ERAP1: variants seen among roughly 807,000 people sequenced by gnomAD.
ERAP1 encodes adipocyte-derived leucine aminopeptidase.
A neutral mutation model predicts 103.7 loss-of-function variants in ERAP1; 86 were observed. The ratio of observed to expected loss-of-function variants is 0.83; its 90% CI spans 0.70 to 0.99. The LOEUF (loss-of-function observed/expected upper bound fraction) is 0.99. ERAP1 is among the 50% of genes least tolerant of loss of function. The pLI is 0.00. For synonymous variants in ERAP1, 398 were observed against 402.4 expected (o/e 0.99, Z 0.13); for missense variants, 1,009 against 1,128.4 (o/e 0.89, Z 1.52).
chr5:96,802,025 AT>A (rs1238323545), intron 2 of ERAP1, among the ~76,000 whole-genome samples: 7 of 152,096 alleles, frequency 4.6e-5, no homozygotes, highest in Non-Finnish European at 1.0e-4. Context: ...AAAAGAGATC[AT>A]TTATTTGGGG....
the ERAP1 span, among the ~76,000 whole-genome samples, chr5:96,825,117 C>T: frequency 6.6e-6 from 1 of 152,142 alleles, no homozygotes; most frequent in Non-Finnish European, 1.5e-5. Flanking sequence ...TTCCATGAGG[C>T]CAGGACTGTG....
chr5:96,820,212 C>G, the ERAP1 span, among the ~76,000 whole-genome samples: 1 of 152,078 alleles, frequency 6.6e-6, no homozygotes, highest in African/African-American at 2.4e-5. Flanking sequence ...AATATATACT[C>G]AAGTATATAT....
the ERAP1 span, among the ~76,000 whole-genome samples, chr5:96,856,365 T>TATATAGAGAGAGAGAGAG: frequency 8.3e-4 from 17 of 20,378 alleles, no homozygotes; most frequent in African/African-American, 1.7e-3. Context: ...TATATATATA[T>TATATAGAGAGAGAGAGAG]AGAGAGAGAG....
chr5:96,862,352 G>A, the ERAP1 span, among the ~76,000 whole-genome samples: 2 of 152,164 alleles, frequency 1.3e-5, no homozygotes, highest in Non-Finnish European at 2.9e-5. Context: ...TGCTACCCAA[G>A]TGCCATCTCA....
chr5:96,913,234 T>C, the ERAP1 span: 1 of 1,092,280 alleles, frequency 9.2e-7, no homozygotes, highest in Non-Finnish European at 1.3e-6. Flanking sequence ...TCTGTTCTAT[T>C]CTTTTAATAT....
chr5:96,892,987 G>C, the ERAP1 span, among the ~76,000 whole-genome samples: 2 of 151,594 alleles, frequency 1.3e-5, no homozygotes, highest in African/African-American at 2.4e-5. Context: ...TAATAGTTCT[G>C]TTTCATAAAG....
chr5:96,913,662 CAG>C, the ERAP1 span, among the ~76,000 whole-genome samples: 1 of 152,184 alleles, frequency 6.6e-6, no homozygotes, highest in Non-Finnish European at 1.5e-5. Context: ...GAATGGGAAA[CAG>C]CCTTCTCTCA....
the ERAP1 span, among the ~76,000 whole-genome samples, chr5:96,817,390 T>C: frequency 6.6e-6 from 1 of 152,276 alleles, no homozygotes; most frequent in Non-Finnish European, 1.5e-5. Context: ...AAGCAATAAA[T>C]AATGCCAACC....
the ERAP1 span, among the ~76,000 whole-genome samples, chr5:96,916,830 T>C: frequency 6.6e-6 from 1 of 151,994 alleles, no homozygotes; most frequent in African/African-American, 2.4e-5. Context: ...TTGAATTTAT[T>C]TACCCTTTAG....
intron 19 of ERAP1, chr5:96,768,053 C>T (rs1770659982): frequency 9.0e-7 from 1 of 1,113,030 alleles, no homozygotes; most frequent in Non-Finnish European, 1.4e-6. Context: ...TGTATGTGTA[C>T]ATACATATAA....
Position 96,766,982 on chromosome 5 carries a change from C to T in ERAP1, c.2819-3754G>A, listed in dbSNP as rs997734549. Among the ~76,000 whole-genome samples, 6 of 152,240 alleles carry T rather than the reference C, an allele frequency of 3.9e-5. No homozygotes were observed. The East Asian group carries it at 1.2e-3, about 29-fold the overall frequency. On this transcript the variant is annotated intron_variant, in intron 19 of 19. Transcript: ENST00000296754. Reference sequence around the variant, plus strand: ...ATTCCACATCCTGCTAGAGCCCTTCCCACTTTGATAGTACCAACTCACCCT... The same window carrying T: ...ATTCCACATCCTGCTAGAGCCCTTCTCACTTTGATAGTACCAACTCACCCT...
the ERAP1 span, among the ~76,000 whole-genome samples, chr5:96,859,951 G>A: frequency 6.6e-6 from 1 of 152,130 alleles, no homozygotes; most frequent in Non-Finnish European, 1.5e-5. Context: ...CCTTCCCTGA[G>A]CTTGGGCTGG....
the ERAP1 span, among the ~76,000 whole-genome samples, chr5:96,829,933 C>T: frequency 6.6e-6 from 1 of 152,106 alleles, no homozygotes; most frequent in Non-Finnish European, 1.5e-5. Flanking sequence ...TGACAGACTA[C>T]GTAAATTGAA....
chr5:96,776,698 AT>A (rs1774367897), intron 18 of ERAP1, 147 bp from the exon 19 acceptor site: 1 of 1,175,640 alleles, frequency 8.5e-7, no homozygotes, highest in East Asian at 2.5e-5. Context: ...TTATGTACAC[AT>A]AAGCTGTATG....
chr5:96,855,865 T>A, the ERAP1 span, among the ~76,000 whole-genome samples: 1 of 152,074 alleles, frequency 6.6e-6, no homozygotes, highest in Non-Finnish European at 1.5e-5. Context: ...TTTATGCAAG[T>A]ATATACACAC....
chr5:96,843,842 C>T, the ERAP1 span, among the ~76,000 whole-genome samples: 1 of 152,142 alleles, frequency 6.6e-6, no homozygotes, highest in African/African-American at 2.4e-5. Context: ...TTTCTACTGA[C>T]CCTAAATTTT....
the ERAP1 span, among the ~76,000 whole-genome samples, chr5:96,924,060 C>T: frequency 2.6e-5 from 4 of 152,246 alleles, no homozygotes; most frequent in African/African-American, 7.2e-5. Flanking sequence ...AAATATTTGT[C>T]GGCTGTAAAG....
the ERAP1 span, among the ~76,000 whole-genome samples, chr5:96,820,944 A>C: frequency 1.0e-5 from 1 of 97,754 alleles, no homozygotes; most frequent in African/African-American, 3.5e-5. Context: ...TAAAACTTAC[A>C]GGAGAAAGAA....
chr5:96,907,967 A>G, the ERAP1 span, among the ~76,000 whole-genome samples: 1 of 152,060 alleles, frequency 6.6e-6, no homozygotes, highest in Non-Finnish European at 1.5e-5. Context: ...GAAATTTTTG[A>G]AAAAAATTTC....
Sources: gnomAD v4.1 joint callset for allele counts (sites outside exome capture counted in the v4.1 genomes callset) on GRCh38, gnomAD v4.1.1 for gene constraint, MANE v1.5 for transcripts, NCBI Gene and HGNC (gene_info 2026-07-23, HGNC 2026-07-21) for gene names.